RIF1: variants seen among roughly 807,000 people sequenced by gnomAD.
RIF1 encodes replication timing regulatory factor 1.
In RIF1, 45 loss-of-function variants were observed where a neutral mutation model predicts 247.1. The observed-to-expected ratio is 0.18, with a 90% CI of 0.14 to 0.23. The LOEUF (loss-of-function observed/expected upper bound fraction) is 0.23. RIF1 is among the 10% of genes least tolerant of loss of function. RIF1 has a pLI of 1.00. For missense variants in RIF1, 2,967 were observed against 2,862.5 expected, an observed-to-expected ratio of 1.04 and a Z score of -0.83; for synonymous variants, 1,087 against 978.8, an observed-to-expected ratio of 1.11 and a Z score of -2.06.
At chr2:151,499,375 TTTC>T (rs751111521) in exon 11 of RIF1, 1 of 1,540,950 alleles carries the variant, frequency 6.5e-7, no homozygotes, top group South Asian at 1.2e-5. Context: ...TTTCCAACGT[TTTC>T]TTTATACAAC....
chr2:151,465,917 A>C lies in RIF1; in HGVS notation c.6397A>C (p.Ile2133Leu). 6.2e-7 allele frequency: 1 copy of C among 1,614,186 alleles called. No homozygotes were observed. The highest frequency in any genetic ancestry group is 8.5e-7 in the Non-Finnish European group (1 of 1,180,006). ...ACAGTGTCTGGCATCTGGAACAGCT[A>C]TCTCTGAGCTAATAATAGAAGACAA... ...PSQCLASGTA[I>L]SELIIEDNNA... is the part of the protein sequence containing the mutation. The change falls in exon 30 of 36, where the codon ATC becomes CTC. Residue 2133 changes from isoleucine to leucine, a missense_variant. Physicochemically the swap from Ile to Leu is conservative, Grantham distance 5 (BLOSUM62 2). Transcript: ENST00000444746.
At chr2:151,529,179 CA>C in the RIF1 span, 2 of 1,435,010 alleles carry the variant, frequency 1.4e-6, no homozygotes, top group African/African-American at 2.8e-5. Flanking sequence ...GTAAATCCCC[CA>C]CCATGCTTGG....
Position 151,462,279 on chromosome 2 carries a change from T to G in RIF1, c.3265T>G (p.Ser1089Ala), listed in dbSNP as rs1696307888. 6.3e-7 allele frequency: 1 copy of G among 1,590,456 alleles called. No homozygotes were observed. The highest frequency in any genetic ancestry group is 1.3e-5 in the African/African-American group (1 of 74,632). ...IPAMYNNLDV[S>A]QDTLFTQYSQ... The stretch of plus-strand genomic sequence containing the variant: ...TGCCATGTATAATAATCTGGATGTT[T>G]CCCAAGATACCTTATTTACTCAGTA... Residue 1089 changes from serine (S) to alanine (A), a missense_variant, in exon 28 of 36, where the codon TCC (serine) becomes GCC (alanine). By Grantham distance (99) the Ser-to-Ala change is moderately conservative. This residue lies in a region of RIF1 where 2,028 missense variants were observed against 1,825.6 expected (regional missense o/e 1.11). Coordinates refer to ENST00000444746, the MANE Select transcript of RIF1 (RefSeq NM_018151.5).
Position 151,464,451 on chromosome 2 carries a change from A to G in RIF1, c.4931A>G (p.Asp1644Gly). The G allele has an allele frequency of 1.9e-6, 3 of 1,613,722 alleles. No individual in the cohort carries two copies. Among genetic ancestry groups the G allele is most frequent in the African/African-American group, 2.7e-5 (2 of 75,064 alleles). The stretch of plus-strand genomic sequence containing the variant: ...ACTTCAGATTTGTTGCAAGTTCCTG[A>G]TGATTTACCAAATGTGTGTGAGGAA... ...TVTSDLLQVP[D>G]DLPNVCEEKN... Residue 1644 changes from aspartate to glycine, a missense_variant, in exon 30 of 36, where the codon GAT (aspartate) becomes GGT (glycine). This residue lies in a region of RIF1 where 2,028 missense variants were observed against 1,825.6 expected (regional missense o/e 1.11). Transcript: ENST00000444746.
chr2:151,501,649 T>C (rs1263130409), intron 11 of RIF1, among the ~76,000 whole-genome samples: 3 of 152,190 alleles, frequency 2.0e-5, no homozygotes, highest in African/African-American at 4.8e-5. Context: ...TTTGGACATT[T>C]AGTCACACAC....
In RIF1 at chr2:151,454,940, T is replaced by G. The variant is rs748323817; in HGVS notation, c.2390T>G (p.Leu797Arg). The change falls in exon 22 of 36, where the codon CTA (leucine) becomes CGA (arginine). Residue 797 changes from leucine to arginine, a missense_variant. Physicochemically the swap from Leu to Arg is moderately radical, Grantham distance 102 (BLOSUM62 -2). This residue lies in a region of RIF1 where 2,028 missense variants were observed against 1,825.6 expected (regional missense o/e 1.11). Coordinates refer to ENST00000444746, the MANE Select transcript of RIF1 (RefSeq NM_018151.5). Reference sequence around the variant, plus strand: ...TGGTCCAAAAAGAAGAATGAGCCCCTAGGGAAATTGACTTCTTTATTTAAA... The same window carrying G: ...TGGTCCAAAAAGAAGAATGAGCCCCGAGGGAAATTGACTTCTTTATTTAAA... ...SDWSKKKNEP[L>R]GKLTSLFKLI... 2 of 1,612,962 alleles carry G rather than the reference T, an allele frequency of 1.2e-6. No homozygotes were observed. Among genetic ancestry groups the G allele is most frequent in the African/African-American group, 1.3e-5 (1 of 74,894 alleles).
chr2:151,442,357 G>A (rs1169749378), intron 16 of RIF1, among the ~76,000 whole-genome samples: 1 of 148,104 alleles, frequency 6.8e-6, no homozygotes. Context: ...ACAGGTGTGA[G>A]CCACTGTGCC....
chr2:151,428,996 G>T, intron 9 of RIF1, 74 bp downstream of exon 9: 2 of 973,088 alleles, frequency 2.1e-6, no homozygotes, highest in South Asian at 1.6e-5. Flanking sequence ...AAGTTTTTCT[G>T]GTTTTTTGGA....
intron 10 of RIF1, chr2:151,497,640 C>CTTGA: frequency 1.3e-6 from 2 of 1,576,742 alleles, no homozygotes; most frequent in Non-Finnish European, 1.7e-6. Flanking sequence ...CTAATATTTT[C>CTTGA]TTGATTGTGT....
At chr2:151,512,612 T>C, downstream of RIF1, 2 of 792,778 alleles carry the variant, frequency 2.5e-6, no homozygotes, top group Non-Finnish European at 4.3e-6. Context: ...CTGCACCTGG[T>C]GAATCTCTTT....
rs969949582 is a variant in RIF1, at chr2:151,437,143, A to G, written c.1373-98A>G. ...AAATATGAATCTTTTTTTTATAGAA[A>G]ACACACCTACTTAATAGACATTTTA... On this transcript the variant is annotated intron_variant, in intron 12 of 35. Transcript: ENST00000444746. The G allele has an allele frequency of 3.3e-6, 4 of 1,229,730 alleles. No homozygotes were observed. The African/African-American group carries it at 6.2e-5, about 19-fold the overall frequency. 76.2% of individuals were successfully genotyped at this position (1,229,730 alleles called of 1,614,324 possible).
intron 20 of RIF1, among the ~76,000 whole-genome samples, chr2:151,447,996 C>T (rs933324039): frequency 6.6e-6 from 1 of 151,966 alleles, no homozygotes. Context: ...TTATATCTAA[C>T]ACATATTTTA....
rs750606871 is a variant in RIF1, at chr2:151,465,472, G to A, written c.5952G>A (p.Leu1984=). 1 of 1,613,992 alleles carries A rather than the reference G, an allele frequency of 6.2e-7. No individual in the cohort carries two copies. The highest frequency in any genetic ancestry group is 8.5e-7 in the Non-Finnish European group (1 of 1,179,970). ...SLSDNTTPVK[L]NAQTEISEQT... is the part of the protein sequence containing the mutation. ...CTGATAATACTACACCTGTAAAATT[G>A]AATGCTCAAACTGAGATTTCTGAAC... Residue 1984 remains leucine, a synonymous_variant, in exon 30 of 36, where the codon TTG becomes TTA. Transcript: ENST00000444746.
At chr2:151,524,060 TAAAG>T in the RIF1 span, among the ~76,000 whole-genome samples, 1 of 152,206 alleles carries the variant, frequency 6.6e-6, no homozygotes, top group South Asian at 2.1e-4. Context: ...TTTTGTCACA[TAAAG>T]ATAGTTAAGC....
the RIF1 span, chr2:151,519,632 A>G: frequency 6.6e-7 from 1 of 1,523,714 alleles, no homozygotes; most frequent in Non-Finnish European, 9.1e-7. Flanking sequence ...CATGTTATAT[A>G]TTTTACCACA....
At chr2:151,431,947 G>A (rs192235188) in intron 9 of RIF1, among the ~76,000 whole-genome samples, 8 of 152,294 alleles carry the variant, frequency 5.3e-5, no homozygotes, top group African/African-American at 1.4e-4. Flanking sequence ...AACAGACATT[G>A]TTGAGTGCCA....
rs1242802764 is a variant in RIF1 at position 151,416,824 on chromosome 2, T to C, written c.426T>C (p.Asp142=). 1.2e-6 allele frequency: 2 copies of C among 1,611,484 alleles called. No individual in the cohort carries two copies. The highest frequency in any genetic ancestry group is 1.7e-5 in the Admixed American group (1 of 59,762). Residue 142 remains aspartate, a synonymous_variant, in exon 6 of 36, where the codon GAT becomes GAC. Transcript: ENST00000444746. The stretch of plus-strand genomic sequence containing the variant: ...TTTTTTAGGTATCCAGTATAATTGA[T>C]TCATTAGAAATACTGTTTAACAAAG... The part of the protein sequence containing the change: ...VVGKMVSSII[D]SLEILFNKGE...
chr2:151,498,477 C>G (rs1425631011), intron 10 of RIF1: 1 of 650,344 alleles, frequency 1.5e-6, no homozygotes, highest in Non-Finnish European at 2.6e-6. Flanking sequence ...ATACCAGAAG[C>G]TTTTAGACTC....
intron 20 of RIF1, among the ~76,000 whole-genome samples, chr2:151,449,134 G>C (rs550793101): frequency 1.3e-5 from 2 of 152,136 alleles, no homozygotes; most frequent in African/African-American, 4.8e-5. Flanking sequence ...AAATGGGTCT[G>C]TTCTTCCCTC....
Sources: gnomAD v4.1 joint callset for allele counts (sites outside exome capture counted in the v4.1 genomes callset) on GRCh38, gnomAD v4.1.1 for gene constraint, gnomAD v4.1.1 regional missense constraint, MANE v1.5 for transcripts, NCBI Gene and HGNC (gene_info 2026-07-23, HGNC 2026-07-21) for gene names.